The following TSTD2 variants were observed in gnomAD, a reference collection of about 807,000 sequenced individuals.
TSTD2 encodes thiosulfate sulfurtransferase/rhodanese-like domain-containing protein 2.
A neutral mutation model predicts 47.9 loss-of-function variants in TSTD2; 37 were observed. That is an observed-to-expected ratio of 0.77 (90% CI 0.59 to 1.02). The LOEUF (loss-of-function observed/expected upper bound fraction) is 1.02, where lower values mean the gene tolerates loss of function less well. TSTD2 is among the 50% of genes least tolerant of loss of function. The pLI is 0.00. For missense variants in TSTD2, 586 were observed against 616.0 expected, an observed-to-expected ratio of 0.95 and a Z score of 0.52; for synonymous variants, 201 against 215.9, an observed-to-expected ratio of 0.93 and a Z score of 0.61.
Position 97,611,710 on chromosome 9 carries a change from A to T in TSTD2, c.604-11T>A. The T allele has an allele frequency of 6.3e-7, 1 of 1,596,444 alleles. No individual in the cohort carries two copies. The highest frequency in any genetic ancestry group is 8.6e-7 in the Non-Finnish European group (1 of 1,165,334). On this transcript the variant is annotated splice_polypyrimidine_tract_variant and intron_variant, in intron 4 of 9. Transcript: ENST00000341170. ...TGCAGCAATTCGAATCTGAGACACA[A>T]GACGGTGAAAAAGAGAACAGATTGT...
At chr9:97,631,985 G>C (rs61445476) in intron 1 of TSTD2, among the ~76,000 whole-genome samples, 17,977 of 152,186 alleles carry the variant, frequency 0.12, 3,014 homozygotes, top group African/African-American at 0.37. Context: ...CTATTTGTGG[G>C]TATTCCTGAA....
In TSTD2 at chr9:97,619,800, G is replaced by A. The variant is rs190156100; in HGVS notation, c.483-1923C>T. Among the ~76,000 whole-genome samples the A allele has an allele frequency of 6.6e-3, 1,002 of 152,230 alleles. 10 individuals carry two copies. The highest frequency in any genetic ancestry group is 0.023 in the African/African-American group (963 of 41,510). ...TAGTATAGTTTTGGGGGAGTTAAAA[G>A]TTATACGCAAATTTTCAACTGCCCC... is the stretch of plus-strand genomic sequence containing the variant. On this transcript the variant is annotated intron_variant, in intron 3 of 9. Transcript: ENST00000341170.
At chr9:97,619,828 A>G (rs1007337924) in intron 3 of TSTD2, among the ~76,000 whole-genome samples, 1 of 152,168 alleles carries the variant, frequency 6.6e-6, no homozygotes, top group African/African-American at 2.4e-5. Context: ...ACTGCCCCTA[A>G]TCCTTGGATT....
In TSTD2 at chr9:97,600,416, T is replaced by A; in HGVS notation, c.*2053A>T. On this transcript the variant is annotated 3_prime_UTR_variant, in exon 10 of 10. Coordinates refer to ENST00000341170, the MANE Select transcript of TSTD2 (RefSeq NM_139246.5). ...GTCCCTGAGTGTTCTTTAAGAACATTTGGGATTTATGTACAATTTAATACT... is the reference window on the plus strand; with the variant it reads ...GTCCCTGAGTGTTCTTTAAGAACATATGGGATTTATGTACAATTTAATACT... 2.0e-6 allele frequency: 2 copies of A among 985,732 alleles called. No individual in the cohort carries two copies. Among genetic ancestry groups the A allele is most frequent in the Non-Finnish European group, 2.4e-6 (2 of 830,094 alleles). The allele number at this position is 985,732 out of a possible 1,614,324, so 61.1% of individuals were successfully genotyped here.
intron 8 of TSTD2, among the ~76,000 whole-genome samples, chr9:97,605,273 A>G (rs183147020): frequency 6.6e-6 from 1 of 152,342 alleles, no homozygotes; most frequent in Non-Finnish European, 1.5e-5. Context: ...ATGAGTCTCT[A>G]TGACTGTTAA....
chr9:97,617,885 A>C lies in TSTD2; in HGVS notation c.483-8T>G. The C allele has an allele frequency of 3.1e-6, 5 of 1,606,010 alleles. No homozygotes were observed. Among genetic ancestry groups the C allele is most frequent in the Non-Finnish European group, 4.2e-6 (5 of 1,177,504 alleles). ...TCTTCACTGCCCTGGCCACTATAAA[A>C]TGAAAATCCAAGGCAAAGAGCATTT... On this transcript the variant is annotated splice_region_variant and splice_polypyrimidine_tract_variant and intron_variant, in intron 3 of 9. Coordinates refer to ENST00000341170, the MANE Select transcript of TSTD2 (RefSeq NM_139246.5).
At chr9:97,619,465 C>G (rs1826596400) in intron 3 of TSTD2, among the ~76,000 whole-genome samples, 1 of 152,086 alleles carries the variant, frequency 6.6e-6, no homozygotes, top group South Asian at 2.1e-4. Context: ...TATGACGAAC[C>G]ATTTAACATA....
At chr9:97,616,078 G>A (rs924785349) in intron 4 of TSTD2, among the ~76,000 whole-genome samples, 6 of 152,190 alleles carry the variant, frequency 3.9e-5, no homozygotes, top group African/African-American at 1.4e-4. Context: ...AGGTCTCTTT[G>A]AGGAAGTGTC....
intron 7 of TSTD2, among the ~76,000 whole-genome samples, chr9:97,605,906 G>A (rs770913035): frequency 3.3e-5 from 5 of 152,188 alleles, no homozygotes; most frequent in African/African-American, 1.2e-4. Flanking sequence ...TCAAAGGCAG[G>A]CTCATGGGAG....
At chr9:97,608,561 C>G (rs535821220) in intron 6 of TSTD2, among the ~76,000 whole-genome samples, 1 of 151,954 alleles carries the variant, frequency 6.6e-6, no homozygotes, top group Non-Finnish European at 1.5e-5. Context: ...GCTTGAACCC[C>G]GGGGGAAAAG....
chr9:97,606,274 C>CA lies in TSTD2; in HGVS notation c.836-14dup. Reference sequence around the variant, plus strand: ...GATAAATGGATTCCTAAAACCAAACCAAAAAAATTATATTAAAACAAAGAC... The same window carrying CA: ...GATAAATGGATTCCTAAAACCAAACCAAAAAAAATTATATTAAAACAAAGAC... On this transcript the variant is annotated splice_polypyrimidine_tract_variant and intron_variant, in intron 6 of 9. Transcript: ENST00000341170. 3 of 1,501,474 alleles carry CA rather than the reference C, an allele frequency of 2.0e-6. No individual in the cohort carries two copies. Among genetic ancestry groups the CA allele is most frequent in the Admixed American group, 2.0e-5 (1 of 49,078 alleles). The allele number at this position is 1,501,474 out of a possible 1,614,324, so 93.0% of individuals were successfully genotyped here.
At chr9:97,604,450 A>G in intron 9 of TSTD2, 1 of 358,334 alleles carries the variant, frequency 2.8e-6, no homozygotes, top group Non-Finnish European at 5.0e-6. Context: ...CTTGGCAGGT[A>G]GACAGGCAGG....
Position 97,605,599 on chromosome 9 carries a change from T to A in TSTD2, c.997A>T (p.Ser333Cys). Residue 333 changes from serine to cysteine, a missense_variant, in exon 8 of 10, where the codon AGT becomes TGT. Transcript: ENST00000341170. The part of the protein sequence containing the change: ...GCLAPDIRKF[S>C]YFPSYVDKNL... ...TTGTCAACGTAGCTAGGGAAGTAAC[T>A]GAATTTCCTGATGTCTGGGGCTAAG... 1.9e-6 allele frequency: 3 copies of A among 1,614,236 alleles called. No individual in the cohort carries two copies. Among genetic ancestry groups the A allele is most frequent in the Non-Finnish European group, 2.5e-6 (3 of 1,180,044 alleles).
At chr9:97,606,999 T>TA (rs1564006275) in intron 6 of TSTD2, among the ~76,000 whole-genome samples, 2 of 151,818 alleles carry the variant, frequency 1.3e-5, no homozygotes, top group African/African-American at 2.4e-5. Flanking sequence ...ACTCTGTCTC[T>TA]AAAAAAAATT....
intron 3 of TSTD2, among the ~76,000 whole-genome samples, chr9:97,624,960 T>A (rs1470381712): frequency 6.6e-6 from 1 of 152,212 alleles, no homozygotes; most frequent in East Asian, 1.9e-4. Context: ...CCTGCCCTAT[T>A]TATTTAAAAA....
intron 3 of TSTD2, among the ~76,000 whole-genome samples, chr9:97,619,219 C>T (rs1291517700): frequency 6.6e-6 from 1 of 152,198 alleles, no homozygotes; most frequent in Admixed American, 6.5e-5. Flanking sequence ...GTGACTTCTA[C>T]TTCAACTTGC....
At chr9:97,622,760 A>T (rs1826660705) in intron 3 of TSTD2, among the ~76,000 whole-genome samples, 1 of 152,366 alleles carries the variant, frequency 6.6e-6, no homozygotes, top group Middle Eastern at 3.4e-3. Context: ...TGGAGCTTTA[A>T]AATTTGACTG....
In TSTD2 at chr9:97,604,785, C is replaced by T. The variant is rs1031557651; in HGVS notation, c.1194G>A (p.Gly398=). The change falls in exon 9 of 10, where the codon GGG becomes GGA. Residue 398 remains glycine (G), a synonymous_variant. Transcript: ENST00000341170. ...LEEFPDGFYK[G]KLFVFDERYA... is the part of the protein sequence containing the mutation. ...AGCGTTCATCAAAAACAAACAACTT[C>T]CCTTTGTAAAAGCCATCAGGAAACT... The T allele has an allele frequency of 6.2e-7, 1 of 1,614,234 alleles. No homozygotes were observed. Among genetic ancestry groups the T allele is most frequent in the Non-Finnish European group, 8.5e-7 (1 of 1,180,044 alleles).
chr9:97,605,523 C>T lies in TSTD2; in HGVS notation c.1073G>A (p.Gly358Asp). 5 of 1,614,042 alleles carry T rather than the reference C, an allele frequency of 3.1e-6. No homozygotes were observed. Among genetic ancestry groups the T allele is most frequent in the Non-Finnish European group, 3.4e-6 (4 of 1,179,976 alleles). ...GGCTGAACCCCGCTCACAGCGGATGCCCCCGGTACAGTACATCAGCACTCT... is the reference window on the plus strand; with the variant it reads ...GGCTGAACCCCGCTCACAGCGGATGTCCCCGGTACAGTACATCAGCACTCT... Reference protein sequence around the residue: ...EKRVLMYCTGGIRCERGSAYL... With the variant: ...EKRVLMYCTGDIRCERGSAYL... Residue 358 changes from glycine (G) to aspartate (D), a missense_variant, in exon 8 of 10, where the codon GGC (glycine) becomes GAC (aspartate). Gly to Asp is a moderately conservative substitution (Grantham distance 94, BLOSUM62 -1). Coordinates refer to ENST00000341170, the MANE Select transcript of TSTD2 (RefSeq NM_139246.5).
Sources: allele counts gnomAD v4.1 joint callset (sites outside exome capture counted in the v4.1 genomes callset), GRCh38; gene constraint gnomAD v4.1.1; transcripts MANE v1.5; gene names NCBI Gene and HGNC (gene_info 2026-07-23, HGNC 2026-07-21).